Variants in CDHR3 observed in about 807,000 individuals in gnomAD.
CDHR3 encodes the protein cadherin related family member 3.
A neutral mutation model predicts 86.6 loss-of-function variants in CDHR3; 79 were observed. The ratio of observed to expected loss-of-function variants is 0.91; its 90% CI spans 0.76 to 1.10. The LOEUF (loss-of-function observed/expected upper bound fraction) is 1.10. Among genes scored for constraint, CDHR3 ranks in the 50% least tolerant of loss-of-function variants. The pLI is 0.00. For missense variants in CDHR3, 1,081 were observed against 1,077.6 expected, an observed-to-expected ratio of 1.00 and a Z score of -0.04; for synonymous variants, 421 against 402.4, an observed-to-expected ratio of 1.05 and a Z score of -0.55.
chr7:106,017,511 A>T (rs1280036943), intron 11 of CDHR3, among the ~76,000 whole-genome samples: 2 of 151,512 alleles, frequency 1.3e-5, no homozygotes, highest in East Asian at 3.9e-4. Flanking sequence ...ATGAGCCGAG[A>T]TCGCACCACT....
chr7:105,976,070 T>C (rs181173087), intron 2 of CDHR3, among the ~76,000 whole-genome samples: 264 of 152,272 alleles, frequency 1.7e-3, no homozygotes, highest in Non-Finnish European at 3.1e-3. Flanking sequence ...TCAGTCTACA[T>C]TGCAGCATGC....
chr7:106,029,994 CCT>C (rs988948384), intron 17 of CDHR3, among the ~76,000 whole-genome samples: 1 of 152,228 alleles, frequency 6.6e-6, no homozygotes, highest in Non-Finnish European at 1.5e-5. Context: ...ATCCCCATTT[CCT>C]CTCTCTTCAG....
intron 3 of CDHR3, among the ~76,000 whole-genome samples, chr7:105,982,235 G>A (rs1285839036): frequency 2.6e-5 from 4 of 152,180 alleles, no homozygotes; most frequent in South Asian, 2.1e-4. Flanking sequence ...TTGGGAGGCC[G>A]AGGCAGGTGG....
At position 106,022,263 on chromosome 7, in the gene CDHR3, ACATCT is replaced by A; in HGVS notation, c.1893_1897del (p.Ser632LeufsTer2). The A allele has an allele frequency of 6.2e-7, 1 of 1,614,044 alleles. No homozygotes were observed. The highest frequency in any genetic ancestry group is 8.5e-7 in the Non-Finnish European group (1 of 1,179,900). On this transcript the variant is annotated frameshift_variant, in exon 14 of 19. Transcript: ENST00000317716. LOFTEE classifies it high-confidence loss of function. ...TTCCAATGTCACACGCCTGCTGCTT[ACATCT>A]CGCTTTGACTATGCTGGTGGGTTTG...
intron 5 of CDHR3, 54 bp downstream of exon 5, chr7:105,994,899 A>C (rs571418489): frequency 1.4e-6 from 2 of 1,410,906 alleles, no homozygotes; most frequent in South Asian, 1.2e-5. Context: ...GGTCAAGGAA[A>C]ACATGAGGGA....
intron 14 of CDHR3, among the ~76,000 whole-genome samples, chr7:106,022,973 G>A (rs1836799775): frequency 6.6e-6 from 1 of 152,118 alleles, no homozygotes; most frequent in Admixed American, 6.5e-5. Flanking sequence ...TCGATTTAAT[G>A]CCTATAGTGT....
intron 17 of CDHR3, 27 bp downstream of exon 17, chr7:106,028,609 G>A (rs1335587457): frequency 4.3e-6 from 7 of 1,613,442 alleles, no homozygotes; most frequent in East Asian, 2.2e-5. Context: ...TGGGGCACCA[G>A]GCATAGACGC....
At chr7:105,967,917 C>T (rs1827238622) in intron 1 of CDHR3, among the ~76,000 whole-genome samples, 1 of 152,138 alleles carries the variant, frequency 6.6e-6, no homozygotes, top group Admixed American at 6.5e-5. Context: ...CCTGTTGACT[C>T]TGATGGTAGT....
chr7:105,963,391 C>T, intron 1 of CDHR3, 27 bp downstream of exon 1: 1 of 1,611,334 alleles, frequency 6.2e-7, no homozygotes, highest in Non-Finnish European at 8.5e-7. Context: ...GCTTTGGAAC[C>T]TTGCTTGCCT....
rs2115886169 is a variant in CDHR3 at position 106,022,180 on chromosome 7, G to A, written c.1826-18G>A. 1 of 1,613,334 alleles carries A rather than the reference G, an allele frequency of 6.2e-7. No homozygotes were observed. Among genetic ancestry groups the A allele is most frequent in the East Asian group, 2.2e-5 (1 of 44,876 alleles). On this transcript the variant is annotated intron_variant, in intron 13 of 18. Coordinates refer to ENST00000317716, the MANE Select transcript of CDHR3 (RefSeq NM_152750.5). ...TTTTCTTCCTTTTACCAACACCCCTGCATCAAATCTCATTTAGGTAACGTC... is the reference window on the plus strand; with the variant it reads ...TTTTCTTCCTTTTACCAACACCCCTACATCAAATCTCATTTAGGTAACGTC...
At chr7:105,973,649 C>G (rs1828317946) in intron 1 of CDHR3, among the ~76,000 whole-genome samples, 1 of 152,162 alleles carries the variant, frequency 6.6e-6, no homozygotes, top group South Asian at 2.1e-4. Flanking sequence ...ACTAATTACA[C>G]CCATGAAGAC....
chr7:105,992,378 C>A (rs1831489334), intron 4 of CDHR3, among the ~76,000 whole-genome samples: 1 of 152,224 alleles, frequency 6.6e-6, no homozygotes, highest in African/African-American at 2.4e-5. Flanking sequence ...GCAGGGAAGG[C>A]TCTGCTCAAA....
chr7:105,983,206 G>A (rs1053151555), intron 3 of CDHR3, among the ~76,000 whole-genome samples: 1 of 152,210 alleles, frequency 6.6e-6, no homozygotes, highest in African/African-American at 2.4e-5. Context: ...TGTTTTGTGA[G>A]CTGCTGTATT....
intron 3 of CDHR3, among the ~76,000 whole-genome samples, chr7:105,983,635 A>G (rs1035496594): frequency 2.2e-4 from 34 of 151,998 alleles, no homozygotes; most frequent in African/African-American, 7.2e-4. Context: ...CTCCCCCATC[A>G]CTGTGAAAAA....
chr7:106,027,774 C>A, intron 16 of CDHR3: 1 of 366,894 alleles, frequency 2.7e-6, no homozygotes, highest in Non-Finnish European at 5.4e-6. Context: ...ATCATATTGA[C>A]AGAGATGATT....
intron 9 of CDHR3, 142 bp from the exon 10 acceptor site, chr7:106,014,969 C>T: frequency 1.6e-6 from 1 of 607,662 alleles, no homozygotes; most frequent in Non-Finnish European, 2.9e-6. Context: ...CTTTTTAAAG[C>T]TCCTAATTTT....
chr7:106,005,569 AG>A (rs1447806230), intron 8 of CDHR3, among the ~76,000 whole-genome samples: 2 of 152,194 alleles, frequency 1.3e-5, no homozygotes, highest in Non-Finnish European at 2.9e-5. Context: ...GCTGAAGATC[AG>A]GGTGAGTCTC....
chr7:105,965,087 C>G (rs1450583167), intron 1 of CDHR3, among the ~76,000 whole-genome samples: 3 of 152,172 alleles, frequency 2.0e-5, no homozygotes, highest in Non-Finnish European at 4.4e-5. Context: ...GCAAGAAATA[C>G]TTGAGATTTC....
chr7:106,016,129 T>C, intron 11 of CDHR3, 104 bp downstream of exon 11: 1 of 686,976 alleles, frequency 1.5e-6, no homozygotes, highest in East Asian at 2.7e-5. Flanking sequence ...CGCATGCTGT[T>C]TTGCACAGTG....
Sources: gnomAD v4.1 joint callset for allele counts (sites outside exome capture counted in the v4.1 genomes callset) on GRCh38, gnomAD v4.1.1 for gene constraint, MANE v1.5 for transcripts, NCBI Gene and HGNC (gene_info 2026-07-23, HGNC 2026-07-21) for gene names.